The following LRTM1 variants were observed in gnomAD, a reference collection of about 807,000 sequenced individuals.
The protein encoded by LRTM1 is leucine-rich repeat and transmembrane domain-containing protein 1.
Under a neutral mutation model 32.4 loss-of-function variants are expected in LRTM1, and 38 were observed. The observed-to-expected ratio is 1.17, with a 90% CI of 0.91 to 1.54. LRTM1 has a LOEUF of 1.54. Ranked by LOEUF, LRTM1 falls within the 40% of genes most tolerant of loss-of-function variation. The pLI is 0.00. For synonymous variants in LRTM1, 186 were observed against 169.9 expected (o/e 1.09, Z -0.74); for missense variants, 466 against 415.4 (o/e 1.12, Z -1.06).
intron 1 of LRTM1, among the ~76,000 whole-genome samples, chr3:54,937,426 C>T (rs1701358706): frequency 6.6e-6 from 1 of 152,154 alleles, no homozygotes; most frequent in Non-Finnish European, 1.5e-5. Context: ...CTGCAACTGG[C>T]CCTGTGGAAC....
intron 1 of LRTM1, among the ~76,000 whole-genome samples, chr3:54,954,664 C>A (rs537909414): frequency 6.6e-6 from 1 of 152,120 alleles, no homozygotes; most frequent in African/African-American, 2.4e-5. Flanking sequence ...CCAGGCAGTT[C>A]CCCTGTTTTT....
chr3:54,942,848 C>A (rs926884561), intron 1 of LRTM1, among the ~76,000 whole-genome samples: 1 of 152,040 alleles, frequency 6.6e-6, no homozygotes, highest in Non-Finnish European at 1.5e-5. Context: ...CACAGTGAAA[C>A]CCCATCTCTA....
intron 1 of LRTM1, among the ~76,000 whole-genome samples, chr3:54,938,814 G>A (rs768931278): frequency 5.9e-5 from 9 of 152,136 alleles, no homozygotes; most frequent in South Asian, 2.1e-4. Flanking sequence ...CATGGCTTGC[G>A]CTAGAAATAT....
intron 1 of LRTM1, among the ~76,000 whole-genome samples, chr3:54,938,100 G>T (rs1241462693): frequency 1.3e-5 from 2 of 152,192 alleles, no homozygotes; most frequent in Non-Finnish European, 2.9e-5. Context: ...GTTGGCAGTT[G>T]TGGGCAAATC....
chr3:54,964,978 G>A (rs1200203748), intron 1 of LRTM1, among the ~76,000 whole-genome samples: 2 of 152,138 alleles, frequency 1.3e-5, no homozygotes, highest in African/African-American at 2.4e-5. Context: ...TTCAGAGTGG[G>A]CTTTCTAAAA....
At chr3:54,942,425 G>A (rs1374478205) in intron 1 of LRTM1, among the ~76,000 whole-genome samples, 1 of 152,226 alleles carries the variant, frequency 6.6e-6, no homozygotes, top group East Asian at 1.9e-4. Context: ...GGAGAAATAA[G>A]CGAAGAGGGA....
intron 1 of LRTM1, among the ~76,000 whole-genome samples, chr3:54,952,486 G>A (rs1454255458): frequency 2.6e-5 from 4 of 152,194 alleles, no homozygotes; most frequent in Non-Finnish European, 5.9e-5. Flanking sequence ...AATAAAACAT[G>A]AGGCAAAAAC....
chr3:54,938,287 T>C (rs1364940167), intron 1 of LRTM1, among the ~76,000 whole-genome samples: 2 of 152,238 alleles, frequency 1.3e-5, no homozygotes, highest in African/African-American at 2.4e-5. Context: ...ATGCAAACAC[T>C]GCAGCAGACC....
At chr3:54,932,509 G>A (rs115833508), upstream of LRTM1, among the ~76,000 whole-genome samples, 4,279 of 152,222 alleles carry the variant, frequency 0.028, 86 homozygotes, top group Non-Finnish European at 0.041. Context: ...AAATTAAGAA[G>A]CAAGTAAAGG....
chr3:54,937,948 G>T (rs1215553919), intron 1 of LRTM1, among the ~76,000 whole-genome samples: 1 of 152,114 alleles, frequency 6.6e-6, no homozygotes, highest in Non-Finnish European at 1.5e-5. Flanking sequence ...AAAACCATTG[G>T]TTTTCACCAT....
At chr3:54,957,721 A>C (rs1021766067) in intron 1 of LRTM1, among the ~76,000 whole-genome samples, 5 of 151,916 alleles carry the variant, frequency 3.3e-5, no homozygotes, top group African/African-American at 1.2e-4. Context: ...AAACAAGATC[A>C]CACCTCTCCA....
chr3:54,943,609 T>G (rs1002436095), intron 1 of LRTM1, among the ~76,000 whole-genome samples: 1 of 152,222 alleles, frequency 6.6e-6, no homozygotes, highest in Non-Finnish European at 1.5e-5. Context: ...TCCCCTGGTC[T>G]TCTTATTGCT....
At chr3:54,927,246 C>A (rs920330351) in intron 1 of LRTM1, among the ~76,000 whole-genome samples, 1 of 152,118 alleles carries the variant, frequency 6.6e-6, no homozygotes, top group African/African-American at 2.4e-5. Flanking sequence ...TGCTCTAGGG[C>A]AATAGGGAAG....
chr3:54,924,692 G>A lies in LRTM1; in HGVS notation c.531C>T (p.Leu177=). 1 of 1,614,128 alleles carries A rather than the reference G, an allele frequency of 6.2e-7. No individual in the cohort carries two copies. The highest frequency in any genetic ancestry group is 8.5e-7 in the Non-Finnish European group (1 of 1,180,020). ...AATTGCATTTCCAGAGGTTGTCCTT[G>A]AGAAGTAAAAGCCTCACACTGGGCA... ...ESMPSVRLLL[L]KDNLWKCNCH... Residue 177 remains leucine (L), a synonymous_variant, in exon 2 of 3, where the codon CTC becomes CTT. Transcript: ENST00000273286.
intron 1 of LRTM1, among the ~76,000 whole-genome samples, chr3:54,960,146 T>G (rs1701997085): frequency 6.6e-6 from 1 of 150,456 alleles, no homozygotes; most frequent in Non-Finnish European, 1.5e-5. Flanking sequence ...CTTCCTACAC[T>G]GGTTCCCAGA....
intron 1 of LRTM1, among the ~76,000 whole-genome samples, chr3:54,950,558 T>A (rs1701732956): frequency 6.6e-6 from 1 of 152,212 alleles, no homozygotes; most frequent in Non-Finnish European, 1.5e-5. Context: ...TTTCCCAGCC[T>A]ACCAGCAATT....
intron 1 of LRTM1, among the ~76,000 whole-genome samples, chr3:54,938,153 A>G (rs1272293588): frequency 6.6e-6 from 1 of 152,190 alleles, no homozygotes; most frequent in African/African-American, 2.4e-5. Flanking sequence ...GCAGAGTTGC[A>G]TTCTCACCAC....
intron 2 of LRTM1, among the ~76,000 whole-genome samples, chr3:54,923,695 G>A (rs1700920405): frequency 6.6e-6 from 1 of 152,206 alleles, no homozygotes; most frequent in African/African-American, 2.4e-5. Context: ...GCTAGGAAGA[G>A]TGAAGCACTG....
At chr3:54,925,821 G>A (rs1390822664) in intron 1 of LRTM1, among the ~76,000 whole-genome samples, 1 of 152,162 alleles carries the variant, frequency 6.6e-6, no homozygotes, top group African/African-American at 2.4e-5. Flanking sequence ...GTGGCTAATG[G>A]TTACTGTATT....
Sources: allele counts gnomAD v4.1 joint callset (sites outside exome capture counted in the v4.1 genomes callset), GRCh38; gene constraint gnomAD v4.1.1; transcripts MANE v1.5; gene names NCBI Gene and HGNC (gene_info 2026-07-23, HGNC 2026-07-21).